HMGXB3: variants seen among roughly 807,000 people sequenced by gnomAD.
HMGXB3 encodes the protein HMG-box containing 3.
HMGXB3 carries 45 observed loss-of-function variants against 121.5 expected under a neutral mutation model. That is an observed-to-expected ratio of 0.37 (90% confidence interval 0.29 to 0.47). The LOEUF is 0.47. HMGXB3 is among the 20% of genes least tolerant of loss of function. The probability of loss-of-function intolerance (pLI) is 0.99; values close to 1 mark genes in which losing one functional copy is unlikely to be tolerated. For synonymous variants in HMGXB3, 590 were observed against 624.1 expected, an observed-to-expected ratio of 0.95 and a Z score of 0.81; for missense variants, 1,376 against 1,602.2, an observed-to-expected ratio of 0.86 and a Z score of 2.41.
chr5:150,023,795 A>G (rs1396129259), intron 6 of HMGXB3, among the ~76,000 whole-genome samples: 1 of 152,232 alleles, frequency 6.6e-6, no homozygotes, highest in Admixed American at 6.5e-5. Flanking sequence ...AGGAGATGGG[A>G]AAATTTGAAT....
At chr5:150,021,168 C>T (rs765900409) in intron 6 of HMGXB3, among the ~76,000 whole-genome samples, 6 of 152,130 alleles carry the variant, frequency 3.9e-5, no homozygotes, top group Non-Finnish European at 4.4e-5. Context: ...CAAGGATTAC[C>T]ATGTCAAGAG....
chr5:150,024,229 C>T, intron 6 of HMGXB3, 33 bp from the exon 7 acceptor site: 2 of 1,454,356 alleles, frequency 1.4e-6, no homozygotes, highest in Non-Finnish European at 1.8e-6. Context: ...CTGTAAAATC[C>T]CTTATGTATA....
At chr5:150,012,857 A>G (rs1755874524) in intron 5 of HMGXB3, among the ~76,000 whole-genome samples, 2 of 152,234 alleles carry the variant, frequency 1.3e-5, no homozygotes, top group African/African-American at 4.8e-5. Flanking sequence ...TCACACTATT[A>G]TAAATGGCAT....
chr5:150,027,730 G>A (rs542545668), intron 9 of HMGXB3, among the ~76,000 whole-genome samples: 27 of 152,042 alleles, frequency 1.8e-4, no homozygotes, highest in South Asian at 2.1e-4. Flanking sequence ...CTTTTGTATT[G>A]TTGGTAGATA....
At chr5:150,027,885 A>G (rs1205944889) in intron 9 of HMGXB3, among the ~76,000 whole-genome samples, 1 of 152,112 alleles carries the variant, frequency 6.6e-6, no homozygotes, top group Non-Finnish European at 1.5e-5. Context: ...TGAAACATTG[A>G]TGTATACCTT....
At chr5:150,015,543 C>A (rs1209211608) in intron 5 of HMGXB3, among the ~76,000 whole-genome samples, 1 of 152,202 alleles carries the variant, frequency 6.6e-6, no homozygotes, top group Non-Finnish European at 1.5e-5. Flanking sequence ...CCTGCCTTGG[C>A]CTCCAAAAGT....
At chr5:150,012,605 A>G (rs1486949538) in intron 5 of HMGXB3, among the ~76,000 whole-genome samples, 2 of 152,204 alleles carry the variant, frequency 1.3e-5, no homozygotes, top group Non-Finnish European at 2.9e-5. Context: ...GTTTTATACA[A>G]ACTTTTTTCC....
intron 16 of HMGXB3, 77 bp downstream of exon 16, chr5:150,045,762 G>A: frequency 2.5e-6 from 3 of 1,185,876 alleles, no homozygotes; most frequent in Non-Finnish European, 3.7e-6. Context: ...TGGCAAGATA[G>A]CACAGTGGTA....
chr5:150,047,190 G>A (rs1246241114), intron 16 of HMGXB3, among the ~76,000 whole-genome samples: 1 of 151,992 alleles, frequency 6.6e-6, no homozygotes, highest in African/African-American at 2.4e-5. Context: ...CACTGCACCC[G>A]GCCCCCAGGG....
chr5:150,007,276 C>T (rs545584362), intron 3 of HMGXB3, among the ~76,000 whole-genome samples: 2 of 152,288 alleles, frequency 1.3e-5, no homozygotes, highest in African/African-American at 4.8e-5. Context: ...ATTTCTAGTT[C>T]ACAGTAACAA....
At chr5:150,051,188 C>G (rs1415216914) in intron 19 of HMGXB3, among the ~76,000 whole-genome samples, 6 of 152,208 alleles carry the variant, frequency 3.9e-5, no homozygotes, top group Non-Finnish European at 8.8e-5. Context: ...TTGTACCAGA[C>G]AGTATTTCTC....
At chr5:150,013,294 A>G (rs147387092) in intron 5 of HMGXB3, among the ~76,000 whole-genome samples, 1 of 152,256 alleles carries the variant, frequency 6.6e-6, no homozygotes, top group African/African-American at 2.4e-5. Flanking sequence ...TCAGGAATGC[A>G]TGTTGGATTT....
chr5:150,014,720 G>A, intron 5 of HMGXB3: 1 of 244,794 alleles, frequency 4.1e-6, no homozygotes, highest in Non-Finnish European at 7.8e-6. Flanking sequence ...TCCAGGTTTG[G>A]TATGAATGAA....
intron 19 of HMGXB3, among the ~76,000 whole-genome samples, chr5:150,050,726 A>G (rs1756870281): frequency 1.3e-5 from 2 of 152,254 alleles, no homozygotes; most frequent in South Asian, 2.1e-4. Flanking sequence ...AGCAATCCAC[A>G]TGCCTCAGCC....
intron 5 of HMGXB3, among the ~76,000 whole-genome samples, chr5:150,013,227 A>G (rs1294812890): frequency 6.6e-6 from 1 of 152,186 alleles, no homozygotes; most frequent in Admixed American, 6.5e-5. Context: ...TTTTTCCTAC[A>G]TGCCCTTTAT....
rs751509838 is a variant in HMGXB3 at position 150,037,376 on chromosome 5, T to G, written c.2286-24T>G. 1.1e-3 allele frequency: 1,670 copies of G among 1,508,066 alleles called. 1 individual carries two copies. Among genetic ancestry groups the G allele is most frequent in the Non-Finnish European group, 1.4e-3 (1,609 of 1,124,298 alleles). The allele number at this position is 1,508,066 out of a possible 1,614,324, so 93.4% of individuals were successfully genotyped here. A position where few individuals can be genotyped will look rare whatever the true frequency, so the allele number is the denominator to read the frequency against. Reference sequence around the variant, plus strand: ...GAAGTCTCTTTCCCTTCTTTTTTTTTGTTGGTGATGTTTCTGGTACTAGCT... The same window carrying G: ...GAAGTCTCTTTCCCTTCTTTTTTTTGGTTGGTGATGTTTCTGGTACTAGCT... On this transcript the variant is annotated intron_variant, in intron 12 of 19. Coordinates refer to ENST00000502717, the MANE Select transcript of HMGXB3 (RefSeq NM_014983.3).
At chr5:150,011,128 C>G (rs1755823758) in intron 4 of HMGXB3, among the ~76,000 whole-genome samples, 1 of 152,156 alleles carries the variant, frequency 6.6e-6, no homozygotes, top group African/African-American at 2.4e-5. Context: ...GCACCTTGAG[C>G]TGTGTACAAG....
At chr5:150,010,699 A>T in intron 4 of HMGXB3, 91 bp downstream of exon 4, 1 of 1,261,042 alleles carries the variant, frequency 7.9e-7, no homozygotes, top group Middle Eastern at 2.6e-4. Context: ...GAGCAGTGGT[A>T]ATCAAGAGTA....
intron 10 of HMGXB3, among the ~76,000 whole-genome samples, chr5:150,031,598 A>G (rs762127627): frequency 6.6e-6 from 1 of 152,266 alleles, no homozygotes; most frequent in Non-Finnish European, 1.5e-5. Context: ...TGATGCTTAA[A>G]GTATCAACCA....
Sources: gnomAD v4.1 joint callset for allele counts (sites outside exome capture counted in the v4.1 genomes callset) on GRCh38, gnomAD v4.1.1 for gene constraint, MANE v1.5 for transcripts, NCBI Gene and HGNC (gene_info 2026-07-23, HGNC 2026-07-21) for gene names.